KHDRBS3: variants seen among roughly 807,000 people sequenced by gnomAD.
KHDRBS3 encodes the protein KH domain-containing, RNA-binding, signal transduction-associated protein 3.
Under a neutral mutation model 45.6 loss-of-function variants are expected in KHDRBS3, and 23 were observed. The observed-to-expected ratio is 0.50, with a 90% CI of 0.36 to 0.72. The LOEUF is 0.72. Among genes scored for constraint, KHDRBS3 ranks in the 30% least tolerant of loss-of-function variants. The pLI is 0.00. For missense variants in KHDRBS3, 352 were observed against 424.8 expected (o/e 0.83, Z 1.51); for synonymous variants, 162 against 156.5 (o/e 1.04, Z -0.26).
At chr8:135,518,539 C>CA (rs972362084) in intron 1 of KHDRBS3, among the ~76,000 whole-genome samples, 33 of 151,562 alleles carry the variant, frequency 2.2e-4, no homozygotes, top group African/African-American at 7.0e-4. Flanking sequence ...ACATACCATA[C>CA]AAAAAAAAAT....
chr8:135,634,964 C>G (rs1830749179), intron 7 of KHDRBS3, among the ~76,000 whole-genome samples: 1 of 152,210 alleles, frequency 6.6e-6, no homozygotes, highest in African/African-American at 2.4e-5. Flanking sequence ...AGTTTTTGAT[C>G]TCACAATCCC....
chr8:135,474,682 T>A (rs192528489), intron 1 of KHDRBS3, among the ~76,000 whole-genome samples: 1 of 152,234 alleles, frequency 6.6e-6, no homozygotes, highest in Non-Finnish European at 1.5e-5. Context: ...AAAAAAATGC[T>A]TTTTCTTTTT....
intron 5 of KHDRBS3, among the ~76,000 whole-genome samples, 187 bp from the exon 6 acceptor site, chr8:135,581,691 T>G (rs1020031038): frequency 6.6e-6 from 1 of 152,246 alleles, no homozygotes; most frequent in Non-Finnish European, 1.5e-5. Context: ...ACGAACTGCC[T>G]AAATGCCTTA....
At chr8:135,494,935 A>T (rs1334080845) in intron 1 of KHDRBS3, among the ~76,000 whole-genome samples, 1 of 152,094 alleles carries the variant, frequency 6.6e-6, no homozygotes, top group African/African-American at 2.4e-5. Context: ...TTTTGCTTTG[A>T]TTGAGAGTCT....
chr8:135,626,683 A>G (rs184828688), intron 7 of KHDRBS3, among the ~76,000 whole-genome samples: 233 of 152,050 alleles, frequency 1.5e-3, no homozygotes, highest in Admixed American at 4.1e-3. Context: ...GGGCGCCTGT[A>G]GTCCCAGCTA....
intron 1 of KHDRBS3, among the ~76,000 whole-genome samples, chr8:135,497,326 G>T (rs543450206): frequency 6.6e-6 from 1 of 152,288 alleles, no homozygotes; most frequent in South Asian, 2.1e-4. Flanking sequence ...CTAAAGGCAG[G>T]TTTAGAGGAG....
At chr8:135,604,014 C>T (rs1437605254) in intron 6 of KHDRBS3, among the ~76,000 whole-genome samples, 1 of 151,776 alleles carries the variant, frequency 6.6e-6, no homozygotes, top group Non-Finnish European at 1.5e-5. Context: ...GATGAAGTAC[C>T]CAACTATTAT....
At chr8:135,541,903 G>A (rs943575981) in intron 2 of KHDRBS3, 1 of 152,072 alleles carries the variant, frequency 6.6e-6, no homozygotes, top group African/African-American at 2.4e-5. Context: ...ATGAAGGTAG[G>A]TCTTGTTGTC....
intron 1 of KHDRBS3, among the ~76,000 whole-genome samples, chr8:135,518,512 T>C (rs1044835705): frequency 6.6e-6 from 1 of 152,190 alleles, no homozygotes; most frequent in East Asian, 1.9e-4. Flanking sequence ...CAGTTGAATC[T>C]ATTTTGACAC....
chr8:135,619,796 C>A (rs1830064506), intron 7 of KHDRBS3, among the ~76,000 whole-genome samples: 1 of 152,174 alleles, frequency 6.6e-6, no homozygotes, highest in Non-Finnish European at 1.5e-5. Flanking sequence ...TCCAGTGGAG[C>A]CCTGCATGTG....
chr8:135,582,206 A>G (rs1828249662), intron 6 of KHDRBS3, 133 bp downstream of exon 6: 2 of 856,658 alleles, frequency 2.3e-6, no homozygotes, highest in African/African-American at 1.7e-5. Flanking sequence ...TTCAGCAAAT[A>G]TTTATTGAGT....
intron 5 of KHDRBS3, among the ~76,000 whole-genome samples, chr8:135,569,201 A>G (rs1180324541): frequency 1.3e-5 from 2 of 152,250 alleles, no homozygotes; most frequent in African/African-American, 4.8e-5. Flanking sequence ...TGAAATTCAT[A>G]AATTATTTCA....
chr8:135,588,369 C>T (rs1014901226), intron 6 of KHDRBS3, among the ~76,000 whole-genome samples: 2 of 152,268 alleles, frequency 1.3e-5, no homozygotes, highest in African/African-American at 4.8e-5. Context: ...CACCCTCGCG[C>T]GGCACCTCTG....
intron 1 of KHDRBS3, among the ~76,000 whole-genome samples, chr8:135,466,438 A>G (rs1398055420): frequency 2.6e-5 from 4 of 152,220 alleles, no homozygotes; most frequent in Admixed American, 6.5e-5. Flanking sequence ...AAAGAAAAGT[A>G]TACTCCAAAA....
rs1448407865 is a variant in KHDRBS3 at position 135,573,979 on chromosome 8, G to T, written c.612-7899G>T. On this transcript the variant is annotated intron_variant, in intron 5 of 8. Transcript: ENST00000355849. ...TGTGGTACCCTATTCCTATCAATTTGGATCTGCTTTTCTGTTTTTAAAAAA... is the reference window on the plus strand; with the variant it reads ...TGTGGTACCCTATTCCTATCAATTTTGATCTGCTTTTCTGTTTTTAAAAAA... Among the ~76,000 whole-genome samples, 6 of 151,994 alleles carry T rather than the reference G, an allele frequency of 3.9e-5. No homozygotes were observed. In the East Asian group the frequency reaches 1.2e-3, roughly 29 times the overall value.
chr8:135,474,681 C>A (rs1430727691), intron 1 of KHDRBS3, among the ~76,000 whole-genome samples: 1 of 152,114 alleles, frequency 6.6e-6, no homozygotes, highest in Non-Finnish European at 1.5e-5. Flanking sequence ...GAAAAAAATG[C>A]TTTTTCTTTT....
intron 2 of KHDRBS3, among the ~76,000 whole-genome samples, chr8:135,535,867 T>C (rs901979634): frequency 6.6e-6 from 1 of 152,152 alleles, no homozygotes; most frequent in African/African-American, 2.4e-5. Context: ...AGATGGTGCC[T>C]TAAACACCGA....
intron 1 of KHDRBS3, among the ~76,000 whole-genome samples, chr8:135,489,820 A>G (rs577120695): frequency 6.6e-6 from 1 of 152,230 alleles, no homozygotes; most frequent in Non-Finnish European, 1.5e-5. Flanking sequence ...TAGCCTAAGT[A>G]TACAGTGTTT....
chr8:135,646,850 T>A (rs756729179), intron 8 of KHDRBS3, 143 bp from the exon 9 acceptor site: 6 of 501,274 alleles, frequency 1.2e-5, no homozygotes, highest in Non-Finnish European at 2.2e-5. Context: ...AAATTCCTTG[T>A]TTGTTTTTCT....
Sources: allele counts gnomAD v4.1 joint callset (sites outside exome capture counted in the v4.1 genomes callset), GRCh38; gene constraint gnomAD v4.1.1; transcripts MANE v1.5; gene names NCBI Gene and HGNC (gene_info 2026-07-23, HGNC 2026-07-21).